SPIDR: variants seen among roughly 807,000 people sequenced by gnomAD.
SPIDR encodes DNA repair-scaffolding protein.
Under a neutral mutation model 104.6 loss-of-function variants are expected in SPIDR, and 93 were observed. The ratio of observed to expected loss-of-function variants is 0.89; its 90% CI spans 0.75 to 1.06. The LOEUF (loss-of-function observed/expected upper bound fraction) is 1.06, where lower values mean the gene tolerates loss of function less well. SPIDR is among the 50% of genes least tolerant of loss of function. The pLI is 0.00. For synonymous variants in SPIDR, 431 were observed against 416.9 expected, an observed-to-expected ratio of 1.03 and a Z score of -0.41; for missense variants, 1,154 against 1,111.2, an observed-to-expected ratio of 1.04 and a Z score of -0.55.
intron 8 of SPIDR, among the ~76,000 whole-genome samples, chr8:47,509,817 G>A (rs2082035945): frequency 6.6e-6 from 1 of 152,072 alleles, no homozygotes; most frequent in Non-Finnish European, 1.5e-5. Context: ...CAAATACCAT[G>A]GTGGCACGTG....
intron 10 of SPIDR, among the ~76,000 whole-genome samples, chr8:47,655,614 T>G (rs2072617466): frequency 6.6e-6 from 1 of 152,220 alleles, no homozygotes; most frequent in Non-Finnish European, 1.5e-5. Context: ...CATTGTAGAT[T>G]CTGGATATTA....
At chr8:47,657,493 A>G (rs2073050388) in intron 10 of SPIDR, among the ~76,000 whole-genome samples, 1 of 152,182 alleles carries the variant, frequency 6.6e-6, no homozygotes, top group South Asian at 2.1e-4. Context: ...TGACTGTGGT[A>G]GAAGGTACAG....
At chr8:47,494,444 A>G (rs760948957) in intron 8 of SPIDR, among the ~76,000 whole-genome samples, 11 of 152,302 alleles carry the variant, frequency 7.2e-5, no homozygotes, top group Middle Eastern at 3.4e-3. Flanking sequence ...TACAGTGTCA[A>G]TGAAAATAGA....
chr8:47,702,098 T>TACACACACACACACACAC (rs3062665), intron 14 of SPIDR, 83 bp downstream of exon 14: 1 of 62,942 alleles, frequency 1.6e-5, no homozygotes, highest in Non-Finnish European at 2.8e-5. Context: ...CTCTCTCTCT[T>TACACACACACACACACAC]ACACACACAC....
chr8:47,545,353 G>A (rs1406367249), intron 8 of SPIDR, among the ~76,000 whole-genome samples: 1 of 151,842 alleles, frequency 6.6e-6, no homozygotes, highest in Non-Finnish European at 1.5e-5. Context: ...ACAGGTGTGA[G>A]CCACTGTGCC....
chr8:47,303,822 G>A lies in SPIDR; in HGVS notation c.525+9792G>A, dbSNP rs1017683192. Among the ~76,000 whole-genome samples, 15 of 152,010 alleles carry A rather than the reference G, an allele frequency of 9.9e-5. 1 individual carries two copies. The Middle Eastern group carries it at 0.01, about 103-fold the overall frequency. On this transcript the variant is annotated intron_variant, in intron 5 of 19. Coordinates refer to ENST00000297423, the MANE Select transcript of SPIDR (RefSeq NM_001080394.4). ...TGACATGGTAGCTTGGATTACAGGC[G>A]CCCGTCACCATGCCCAACTAATTTT...
chr8:47,543,958 C>G (rs561801481), intron 8 of SPIDR, among the ~76,000 whole-genome samples: 2 of 152,026 alleles, frequency 1.3e-5, no homozygotes, highest in African/African-American at 4.8e-5. Context: ...AGTTGGTTTC[C>G]GCTTACTCCT....
chr8:47,717,764 T>C (rs976728435), intron 16 of SPIDR, among the ~76,000 whole-genome samples: 10 of 152,168 alleles, frequency 6.6e-5, no homozygotes, highest in African/African-American at 1.7e-4. Flanking sequence ...AAACTAAATA[T>C]GTGTAATGTA....
At chr8:47,463,661 G>C (rs2074310788) in intron 8 of SPIDR, among the ~76,000 whole-genome samples, 1 of 152,086 alleles carries the variant, frequency 6.6e-6, no homozygotes, top group Non-Finnish European at 1.5e-5. Context: ...CAGATTAAAA[G>C]AGTTATACCC....
intron 16 of SPIDR, 86 bp from the exon 17 acceptor site, chr8:47,727,113 TC>T (rs1489828459): frequency 2.0e-5 from 22 of 1,119,092 alleles, no homozygotes; most frequent in Admixed American, 4.0e-5. Flanking sequence ...ACGAGGCCCC[TC>T]ATGTTGTCCT....
At chr8:47,647,661 A>AGAGG (rs1563416270) in intron 10 of SPIDR, among the ~76,000 whole-genome samples, 2 of 143,364 alleles carry the variant, frequency 1.4e-5, no homozygotes, top group South Asian at 2.3e-4. Context: ...AGAGGGAGAG[A>AGAGG]GAGAGAGGGA....
intron 8 of SPIDR, among the ~76,000 whole-genome samples, chr8:47,466,952 T>A (rs991948568): frequency 8.0e-5 from 11 of 137,210 alleles, no homozygotes; most frequent in African/African-American, 1.4e-4. Context: ...TAGATAGATA[T>A]AAAAAATAGA....
At chr8:47,678,430 T>C (rs1033123832) in intron 11 of SPIDR, among the ~76,000 whole-genome samples, 2 of 152,098 alleles carry the variant, frequency 1.3e-5, no homozygotes, top group African/African-American at 4.8e-5. Context: ...AAGTGGTACA[T>C]AGGGAGCTCT....
chr8:47,354,491 A>C (rs534512516), intron 5 of SPIDR, among the ~76,000 whole-genome samples: 1 of 152,226 alleles, frequency 6.6e-6, no homozygotes, highest in African/African-American at 2.4e-5. Flanking sequence ...TTTTTTTAAA[A>C]AATTTGATTT....
At chr8:47,709,046 C>T (rs998637784) in intron 14 of SPIDR, among the ~76,000 whole-genome samples, 1 of 151,458 alleles carries the variant, frequency 6.6e-6, no homozygotes, top group African/African-American at 2.4e-5. Flanking sequence ...AATCTTGGCT[C>T]ACTGCAACCT....
At chr8:47,427,921 C>A (rs1372020549) in intron 7 of SPIDR, among the ~76,000 whole-genome samples, 1 of 151,970 alleles carries the variant, frequency 6.6e-6, no homozygotes, top group East Asian at 1.9e-4. Context: ...TTTCTTTTTT[C>A]TTTTTTTCTT....
chr8:47,436,752 A>G (rs753523151), intron 7 of SPIDR, among the ~76,000 whole-genome samples: 3 of 152,330 alleles, frequency 2.0e-5, no homozygotes, highest in African/African-American at 2.4e-5. Context: ...GCTTGCCTCA[A>G]GCACATTTTT....
At chr8:47,587,477 G>A (rs1013224041) in intron 8 of SPIDR, among the ~76,000 whole-genome samples, 11 of 151,846 alleles carry the variant, frequency 7.2e-5, no homozygotes, top group Admixed American at 2.6e-4. Flanking sequence ...GCATGGTGGC[G>A]CACCTGCAGT....
At chr8:47,729,071 A>C in intron 18 of SPIDR, 24 bp downstream of exon 18, 1 of 1,612,120 alleles carries the variant, frequency 6.2e-7, no homozygotes, top group Non-Finnish European at 8.5e-7. Context: ...CAGAGCACGC[A>C]CGCACTCCTA....
Sources: gnomAD v4.1 joint callset for allele counts (sites outside exome capture counted in the v4.1 genomes callset) on GRCh38, gnomAD v4.1.1 for gene constraint, MANE v1.5 for transcripts, NCBI Gene and HGNC (gene_info 2026-07-23, HGNC 2026-07-21) for gene names.